The following GIPR variants were observed in gnomAD, a reference collection of about 807,000 sequenced individuals.
The protein encoded by GIPR is gastric inhibitory polypeptide receptor.
In GIPR, 74 loss-of-function variants were observed where a neutral mutation model predicts 62.2. The observed-to-expected ratio is 1.19, with a 90% confidence interval of 0.99 to 1.44. GIPR has a LOEUF of 1.44. GIPR is among the 40% of genes most tolerant of loss of function. The pLI, the probability that GIPR is intolerant of heterozygous loss-of-function variation, is 0.00. For synonymous variants in GIPR, 256 were observed against 262.2 expected (o/e 0.98, Z 0.23); for missense variants, 664 against 611.8 (o/e 1.09, Z -0.90).
intron 2 of GIPR, chr19:45,670,316 G>A: frequency 3.7e-6 from 1 of 267,328 alleles, no homozygotes; most frequent in Non-Finnish European, 7.3e-6. Context: ...ACAGGCGTGA[G>A]CCACCGCGCC....
intron 4 of GIPR, among the ~76,000 whole-genome samples, chr19:45,672,006 A>C (rs1975568099): frequency 6.7e-6 from 1 of 148,826 alleles, no homozygotes; most frequent in Admixed American, 6.7e-5. Flanking sequence ...CGCCTCAGAC[A>C]CTTTATTTAT....
intron 6 of GIPR, 89 bp downstream of exon 6, chr19:45,674,266 T>C: frequency 1.2e-6 from 1 of 865,544 alleles, no homozygotes; most frequent in Middle Eastern, 2.2e-4. Flanking sequence ...TTCCACCAGG[T>C]CCAGCTATCC....
rs927843993 is a variant in GIPR at position 45,682,465 on chromosome 19, T to G, written c.*530T>G. The G allele has an allele frequency of 6.5e-6, 1 of 153,368 alleles. No individual in the cohort carries two copies. The highest frequency in any genetic ancestry group is 2.4e-5 in the African/African-American group (1 of 41,390). The allele number at this position is 153,368 out of a possible 1,614,324, so 9.5% of individuals were successfully genotyped here. A position where few individuals can be genotyped will look rare whatever the true frequency, so the allele number is the denominator to read the frequency against. On this transcript the variant is annotated 3_prime_UTR_variant, in exon 14 of 14. Coordinates refer to ENST00000590918, the MANE Select transcript of GIPR (RefSeq NM_000164.4). ...ATTTTTTAAAAAATGAGGATGTCAC[T>G]CTTACCCAGGTTGGTCTTGAACTCC...
chr19:45,681,685 C>T, intron 13 of GIPR, 40 bp downstream of exon 13: 1 of 1,611,146 alleles, frequency 6.2e-7, no homozygotes, highest in Non-Finnish European at 8.5e-7. Context: ...CCTCTGGCGG[C>T]AGCGCGGGGT....
chr19:45,682,152 G>A lies in GIPR; in HGVS notation c.*217G>A, dbSNP rs1037001864. On this transcript the variant is annotated 3_prime_UTR_variant, in exon 14 of 14. Transcript: ENST00000590918. Reference sequence around the variant, plus strand: ...AATGGTTATGAAGGGAAGCGAGAAGGGGGCCTAGGGTGGTCTGGGAGGCGT... The same window carrying A: ...AATGGTTATGAAGGGAAGCGAGAAGAGGGCCTAGGGTGGTCTGGGAGGCGT... 6 of 578,310 alleles carry A rather than the reference G, an allele frequency of 1.0e-5. No individual in the cohort carries two copies. Among genetic ancestry groups the A allele is most frequent in the African/African-American group, 5.9e-5 (3 of 51,194 alleles). 35.8% of individuals were successfully genotyped at this position (578,310 alleles called of 1,614,324 possible). A position where few individuals can be genotyped will look rare whatever the true frequency, so the allele number is the denominator to read the frequency against.
In GIPR at chr19:45,669,535, G is replaced by T. The variant is rs1485367480; in HGVS notation, c.15G>T (p.Pro5=). 2 of 1,578,440 alleles carry T rather than the reference G, an allele frequency of 1.3e-6. No individual in the cohort carries two copies. Among genetic ancestry groups the T allele is most frequent in the African/African-American group, 1.3e-5 (1 of 74,354 alleles). The change falls in exon 2 of 14, where the codon CCG becomes CCT. Residue 5 remains proline (P), a synonymous_variant. Transcript: ENST00000590918. MTTS[P]ILQLLLRLSL... is the part of the protein sequence containing the mutation. Reference sequence around the variant, plus strand: ...CCGCCCTCACGATGACTACCTCTCCGATCCTGCAGCTGCTGCTGCGGCTCT... The same window carrying T: ...CCGCCCTCACGATGACTACCTCTCCTATCCTGCAGCTGCTGCTGCGGCTCT...
chr19:45,679,506 G>T (rs149986729), intron 12 of GIPR, among the ~76,000 whole-genome samples: 345 of 145,970 alleles, frequency 2.4e-3, no homozygotes, highest in Middle Eastern at 7.2e-3. Flanking sequence ...AAAAAGGAAA[G>T]CATATAGAAT....
chr19:45,681,856 C>T lies in GIPR; in HGVS notation c.1322C>T (p.Pro441Leu). 1 of 1,554,302 alleles carries T rather than the reference C, an allele frequency of 6.4e-7. No individual in the cohort carries two copies. Among genetic ancestry groups the T allele is most frequent in the Non-Finnish European group, 8.7e-7 (1 of 1,148,534 alleles). Residue 441 changes from proline to leucine, a missense_variant, in exon 14 of 14, where the codon CCC becomes CTC. Transcript: ENST00000590918. ...TCCGGCTCCGGCCCGGGCGAGGTCC[C>T]CACCAGCCGCGGCTTGTCCTCGGGG... ...LPSGSGPGEV[P>L]TSRGLSSGTL...
In GIPR at chr19:45,681,819, C is replaced by T. The variant is rs776722055; in HGVS notation, c.1285C>T (p.Arg429Trp). The T allele has an allele frequency of 7.0e-6, 11 of 1,561,748 alleles. No individual in the cohort carries two copies. Among genetic ancestry groups the T allele is most frequent in the Non-Finnish European group, 9.5e-6 (11 of 1,152,904 alleles). The change falls in exon 14 of 14, where the codon CGG (arginine) becomes TGG (tryptophan). Residue 429 changes from arginine to tryptophan, a missense_variant. Physicochemically the swap from Arg to Trp is moderately radical, Grantham distance 101 (BLOSUM62 -3). Coordinates refer to ENST00000590918, the MANE Select transcript of GIPR (RefSeq NM_000164.4). The part of the protein sequence containing the change: ...EQRQLPERAF[R>W]ALPSGSGPGE... ...ACGCCAGCTCCCGGAGCGCGCCTTC[C>T]GGGCCCTGCCCTCCGGCTCCGGCCC...
intron 5 of GIPR, 25 bp from the exon 6 acceptor site, chr19:45,674,049 C>T (rs749414490): frequency 1.4e-6 from 2 of 1,412,872 alleles, no homozygotes; most frequent in South Asian, 1.1e-5. Context: ...AAGCCTTGTT[C>T]CCTTCCCCTT....
rs771351001 is a variant in GIPR at position 45,671,279 on chromosome 19, C to A, written c.173-6C>A. On this transcript the variant is annotated splice_polypyrimidine_tract_variant and splice_region_variant and intron_variant, in intron 3 of 13. Coordinates refer to ENST00000590918, the MANE Select transcript of GIPR (RefSeq NM_000164.4). ...CTGGGCACCTGGCCCCCGTGCCCAC[C>A]CCCAGGCCTCGCCTGTAACGGGTCC... is the stretch of plus-strand genomic sequence containing the variant. 1.9e-5 allele frequency: 30 copies of A among 1,592,732 alleles called. No homozygotes were observed. The highest frequency in any genetic ancestry group is 3.3e-4 in the Middle Eastern group (2 of 6,046).
chr19:45,669,355 C>T, intron 1 of GIPR, 122 bp from the exon 2 acceptor site: 23 of 943,380 alleles, frequency 2.4e-5, no homozygotes, highest in Non-Finnish European at 3.7e-5. Context: ...TGCGCTGCCT[C>T]GGAGTCCCGC....
Position 45,671,381 on chromosome 19 carries a change from G to A in GIPR, c.269G>A (p.Trp90Ter). Residue 90 changes from tryptophan (W) to a stop codon, truncating the protein, a stop_gained, in exon 4 of 14, where the codon TGG becomes TAG. Coordinates refer to ENST00000590918, the MANE Select transcript of GIPR (RefSeq NM_000164.4). LOFTEE classifies it high-confidence loss of function. The part of the protein sequence containing the change: ...ARASCPWYLP[W>*]HHHVAAGFVL... ...GCGTCCTGCCCCTGGTACCTGCCCT[G>A]GCACCACCATGGTGAGGTGCTCCCT... 1 of 1,605,382 alleles carries A rather than the reference G, an allele frequency of 6.2e-7. No homozygotes were observed.
rs1302808260 is a variant in GIPR, at chr19:45,678,117, C to A, written c.1043C>A (p.Pro348His). The change falls in exon 12 of 14, where the codon CCC (proline) becomes CAC (histidine). Residue 348 changes from proline to histidine, a missense_variant. Coordinates refer to ENST00000590918, the MANE Select transcript of GIPR (RefSeq NM_000164.4). ...GCTCGCTCCACGCTGACGCTGGTGCCCCTGCTGGGTGTCCACGAGGTGGTG... is the reference window on the plus strand; with the variant it reads ...GCTCGCTCCACGCTGACGCTGGTGCACCTGCTGGGTGTCCACGAGGTGGTG... Reference protein sequence around the residue: ...RLARSTLTLVPLLGVHEVVFA... With the variant: ...RLARSTLTLVHLLGVHEVVFA... 1 of 1,612,734 alleles carries A rather than the reference C, an allele frequency of 6.2e-7. No homozygotes were observed. The highest frequency in any genetic ancestry group is 8.5e-7 in the Non-Finnish European group (1 of 1,179,818).
At chr19:45,672,095 T>G (rs1325793807) in intron 4 of GIPR, among the ~76,000 whole-genome samples, 1 of 151,696 alleles carries the variant, frequency 6.6e-6, no homozygotes, top group Non-Finnish European at 1.5e-5. Context: ...CACTGCAGCC[T>G]GGGAACTCCT....
intron 3 of GIPR, 148 bp from the exon 4 acceptor site, chr19:45,671,137 C>T (rs1975515728): frequency 1.5e-6 from 1 of 679,154 alleles, no homozygotes; most frequent in Non-Finnish European, 2.7e-6. Flanking sequence ...GAACGCCCTC[C>T]GAGTGGGCGG....
chr19:45,675,886 T>C lies in GIPR; in HGVS notation c.633+1060T>C, dbSNP rs953144122. On this transcript the variant is annotated intron_variant, in intron 7 of 13. Coordinates refer to ENST00000590918, the MANE Select transcript of GIPR (RefSeq NM_000164.4). ...AATCTGGCGAAAGATTGAGACCCTG[T>C]TTCAAAAAAATAAAATGAAATAAAA... 2.7e-5 allele frequency among the ~76,000 whole-genome samples: 4 copies of C among 150,636 alleles called. No homozygotes were observed. In the East Asian group the frequency reaches 7.8e-4, roughly 30 times the overall value.
intron 1 of GIPR, among the ~76,000 whole-genome samples, chr19:45,669,013 A>T (rs1230815730): frequency 6.6e-6 from 1 of 152,122 alleles, no homozygotes; most frequent in African/African-American, 2.4e-5. Flanking sequence ...CAAGTACCCC[A>T]CTAGGGGGTA....
intron 9 of GIPR, 162 bp from the exon 10 acceptor site, chr19:45,677,548 C>T (rs1402288405): frequency 5.4e-6 from 4 of 735,192 alleles, no homozygotes; most frequent in Non-Finnish European, 9.5e-6. Flanking sequence ...TGTTCCAGGG[C>T]AATCGGCAAG....
Sources: allele counts gnomAD v4.1 joint callset (sites outside exome capture counted in the v4.1 genomes callset), GRCh38; gene constraint gnomAD v4.1.1; transcripts MANE v1.5; gene names NCBI Gene and HGNC (gene_info 2026-07-23, HGNC 2026-07-21).